ZNF721: variants seen among roughly 807,000 people sequenced by gnomAD.
The protein encoded by ZNF721 is zinc finger protein 721.
A neutral mutation model predicts 2.4 loss-of-function variants in ZNF721; 2 were observed. The observed-to-expected ratio is 0.82, with a 90% confidence interval of 0.34 to 2.58. The LOEUF is 2.58. Ranked by LOEUF, ZNF721 falls within the 30% of genes most tolerant of loss-of-function variation. ZNF721 has a pLI of 0.11. For synonymous variants in ZNF721, 398 were observed against 381.8 expected (o/e 1.04, Z -0.50); for missense variants, 1,187 against 1,085.5 (o/e 1.09, Z -1.31).
chr4:472,424 G>A, intron 2 of ZNF721, 151 bp downstream of exon 2: 2 of 867,452 alleles, frequency 2.3e-6, no homozygotes, highest in South Asian at 2.2e-5. Context: ...TATCAACAAT[G>A]TTAAGAATTT....
At chr4:477,169 T>C (rs962589551) in intron 1 of ZNF721, among the ~76,000 whole-genome samples, 1 of 151,952 alleles carries the variant, frequency 6.6e-6, no homozygotes, top group Non-Finnish European at 1.5e-5. Context: ...ACATTTCCTC[T>C]GACACTGCAA....
intron 2 of ZNF721, among the ~76,000 whole-genome samples, chr4:454,907 G>A (rs904020681): frequency 7.9e-5 from 12 of 152,166 alleles, no homozygotes; most frequent in Admixed American, 7.9e-4. Flanking sequence ...TGTTCCTTGA[G>A]CTCAGGTGCA....
intron 1 of ZNF721, among the ~76,000 whole-genome samples, chr4:473,515 CAA>C (rs1246655138): frequency 1.3e-5 from 2 of 152,144 alleles, no homozygotes; most frequent in East Asian, 1.9e-4. Context: ...ACACACCTCA[CAA>C]AAGTCTTTTT....
intron 2 of ZNF721, among the ~76,000 whole-genome samples, chr4:466,387 CA>C (rs1194181520): frequency 2.0e-5 from 3 of 152,184 alleles, no homozygotes; most frequent in Non-Finnish European, 4.4e-5. Context: ...CCAGGCTCTC[CA>C]TCTTCATTTA....
intron 2 of ZNF721, among the ~76,000 whole-genome samples, chr4:446,717 CAG>C (rs1477609868): frequency 1.3e-4 from 19 of 150,390 alleles, no homozygotes; most frequent in African/African-American, 4.4e-4. Flanking sequence ...TCTTTTTAGA[CAG>C]AGTCTCACTC....
intron 1 of ZNF721, among the ~76,000 whole-genome samples, chr4:498,692 T>C (rs1553873244): frequency 2.0e-5 from 3 of 152,000 alleles, no homozygotes; most frequent in Admixed American, 6.6e-5. Context: ...CATTAAGATA[T>C]TTACCAGTTG....
At chr4:464,507 A>T (rs1715178322) in intron 2 of ZNF721, among the ~76,000 whole-genome samples, 1 of 151,696 alleles carries the variant, frequency 6.6e-6, no homozygotes, top group African/African-American at 2.4e-5. Context: ...GAAAGTTCCT[A>T]ATTAAAAAAG....
chr4:443,481 C>T lies in ZNF721; in HGVS notation c.986G>A (p.Gly329Glu). 2 of 1,613,894 alleles carry T rather than the reference C, an allele frequency of 1.2e-6. No individual in the cohort carries two copies. The highest frequency in any genetic ancestry group is 1.7e-6 in the Non-Finnish European group (2 of 1,179,842). Residue 329 changes from glycine (G) to glutamate (E), a missense_variant, in exon 3 of 3, where the codon GGA becomes GAA. Coordinates refer to ENST00000511833, the MANE Select transcript of ZNF721 (RefSeq NM_133474.4). ...TTCTCCACATGTGTAGGGTTTCTCT[C>T]CAGTATGAATTCTCCTATGTACATA... ...NLYVHRRIHT[G>E]EKPYTCGECG...
chr4:490,469 AAAAAAT>A (rs1181046582), intron 1 of ZNF721, among the ~76,000 whole-genome samples: 3 of 152,004 alleles, frequency 2.0e-5, no homozygotes, highest in African/African-American at 4.8e-5. Context: ...ACCCGTCTCA[AAAAAAT>A]AAAAATAAAA....
chr4:480,275 G>T (rs1197945190), intron 1 of ZNF721, among the ~76,000 whole-genome samples: 1 of 152,146 alleles, frequency 6.6e-6, no homozygotes, highest in Non-Finnish European at 1.5e-5. Context: ...GTCATAAAAA[G>T]AATATTAATT....
rs1322248789 is a variant in ZNF721 at position 496,772 on chromosome 4, G to A, written c.-94+2284C>T. Among the ~76,000 whole-genome samples, 3 of 143,196 alleles carry A rather than the reference G, an allele frequency of 2.1e-5. No individual in the cohort carries two copies. In the Admixed American group the frequency reaches 2.1e-4, roughly 10 times the overall value. The allele number at this position is 143,196 out of a possible 152,430, so 93.9% of individuals were successfully genotyped here. On this transcript the variant is annotated intron_variant, in intron 1 of 2. Transcript: ENST00000511833. Reference sequence around the variant, plus strand: ...CTGTCGCCCAGGTTGGAGTGCAGTGGCGCGATCTCGGCTCACTGCAGGCTC... The same window carrying A: ...CTGTCGCCCAGGTTGGAGTGCAGTGACGCGATCTCGGCTCACTGCAGGCTC...
chr4:494,842 A>C (rs1553871992), intron 1 of ZNF721, among the ~76,000 whole-genome samples: 3 of 152,078 alleles, frequency 2.0e-5, no homozygotes, highest in African/African-American at 7.2e-5. Context: ...TCTCCAGAAA[A>C]AGGGAGAATT....
rs1553863158 is a variant in ZNF721, at chr4:441,775, A to C, written c.2692T>G (p.Cys898Gly). ...GCAGACTGTCTAAAGGTTTTGCCAC[A>C]GTCTCCACACGTGTAGGGTTTCTCT... is the stretch of plus-strand genomic sequence containing the variant. ...TGEKPYTCGD[C>G]GKTFRQSANL... Residue 898 changes from cysteine to glycine, a missense_variant, in exon 3 of 3, where the codon TGT (cysteine) becomes GGT (glycine). Transcript: ENST00000511833. The C allele has an allele frequency of 1.2e-6, 2 of 1,613,644 alleles. No individual in the cohort carries two copies. Among genetic ancestry groups the C allele is most frequent in the Admixed American group, 1.7e-5 (1 of 60,002 alleles).
At chr4:480,823 T>TG (rs781937085) in intron 1 of ZNF721, among the ~76,000 whole-genome samples, 26,645 of 90,974 alleles carry the variant, frequency 0.29, 3,763 homozygotes, top group Non-Finnish European at 0.3. Context: ...TCACCTTTTG[T>TG]GGGGGGGGGG....
intron 1 of ZNF721, among the ~76,000 whole-genome samples, chr4:479,627 T>A (rs1715723288): frequency 6.6e-6 from 1 of 152,148 alleles, no homozygotes; most frequent in Non-Finnish European, 1.5e-5. Context: ...AGGGCTCCTT[T>A]GTTGGCATGC....
Sources: gnomAD v4.1 joint callset for allele counts (sites outside exome capture counted in the v4.1 genomes callset) on GRCh38, gnomAD v4.1.1 for gene constraint, MANE v1.5 for transcripts, NCBI Gene and HGNC (gene_info 2026-07-23, HGNC 2026-07-21) for gene names.